C3orf33: variants seen among roughly 807,000 people sequenced by gnomAD.
The protein encoded by C3orf33 is mitochondrial inner membrane subdomain organizer 1.
Under a neutral mutation model 28.7 loss-of-function variants are expected in C3orf33, and 23 were observed. The ratio of observed to expected loss-of-function variants is 0.80; its 90% CI spans 0.58 to 1.13. The LOEUF (loss-of-function observed/expected upper bound fraction) is 1.13. Among genes scored for constraint, C3orf33 ranks in the 50% most tolerant of loss-of-function variants. C3orf33 has a pLI of 0.00. For synonymous variants in C3orf33, 119 were observed against 120.5 expected (o/e 0.99, Z 0.08); for missense variants, 327 against 353.4 (o/e 0.93, Z 0.60).
chr3:155,781,601 C>T (rs1750924341), intron 2 of C3orf33, among the ~76,000 whole-genome samples: 1 of 151,280 alleles, frequency 6.6e-6, no homozygotes, highest in Admixed American at 6.6e-5. Context: ...AACCCCATCT[C>T]TACTAAAAAT....
chr3:155,794,196 G>T (rs892120647), intron 2 of C3orf33, among the ~76,000 whole-genome samples: 16 of 151,998 alleles, frequency 1.1e-4, no homozygotes, highest in African/African-American at 3.6e-4. Flanking sequence ...GGCCAGGCTG[G>T]TCTCAAACTC....
At chr3:155,772,878 G>T (rs142621994) in intron 3 of C3orf33, among the ~76,000 whole-genome samples, 1 of 150,798 alleles carries the variant, frequency 6.6e-6, no homozygotes, top group African/African-American at 2.4e-5. Context: ...ATTGTCATTA[G>T]GAAGGAGTCT....
rs932007227 is a variant in C3orf33, at chr3:155,793,263, G to C, written c.174+9269C>G. Reference sequence around the variant, plus strand: ...TGCACCAACCTAACAAAATAGTATAGCCAGTCAAACACGAAGGAGAAATAC... The same window carrying C: ...TGCACCAACCTAACAAAATAGTATACCCAGTCAAACACGAAGGAGAAATAC... On this transcript the variant is annotated intron_variant, in intron 2 of 4. Coordinates refer to ENST00000340171, the MANE Select transcript of C3orf33 (RefSeq NM_001308229.2). 2.1e-5 allele frequency among the ~76,000 whole-genome samples: 3 copies of C among 145,044 alleles called. No individual in the cohort carries two copies. The South Asian group carries it at 6.5e-4, about 31-fold the overall frequency.
chr3:155,768,240 C>G (rs964602265), intron 3 of C3orf33, among the ~76,000 whole-genome samples: 9 of 152,138 alleles, frequency 5.9e-5, no homozygotes, highest in Non-Finnish European at 1.3e-4. Flanking sequence ...ATTTAACCTT[C>G]TTTTTTCAAC....
intron 3 of C3orf33, among the ~76,000 whole-genome samples, chr3:155,775,136 G>A (rs935974460): frequency 1.3e-5 from 2 of 152,132 alleles, no homozygotes; most frequent in South Asian, 2.1e-4. Context: ...TTAGGTTCTA[G>A]ACCATAATAG....
At chr3:155,790,825 T>A (rs1325250209) in intron 2 of C3orf33, among the ~76,000 whole-genome samples, 1 of 152,188 alleles carries the variant, frequency 6.6e-6, no homozygotes, top group Non-Finnish European at 1.5e-5. Context: ...CCTGAGGTCC[T>A]TCAAGCCTCA....
At chr3:155,764,061 AACAGCTCTTGCGAAATCC>A (rs1180827507) in intron 4 of C3orf33, 143 bp from the exon 5 acceptor site, 1 of 511,454 alleles carries the variant, frequency 2.0e-6, no homozygotes, top group Non-Finnish European at 3.1e-6. Context: ...GCTCCCCCAA[AACAGCTCTTGCGAAATCC>A]AAGGATTTTT....
chr3:155,784,225 C>T (rs1353081076), intron 2 of C3orf33, among the ~76,000 whole-genome samples: 1 of 152,108 alleles, frequency 6.6e-6, no homozygotes, highest in Non-Finnish European at 1.5e-5. Flanking sequence ...CCACCGCGCC[C>T]AGCCTAGTTT....
At chr3:155,801,290 G>T (rs989259402) in intron 2 of C3orf33, among the ~76,000 whole-genome samples, 2 of 138,020 alleles carry the variant, frequency 1.4e-5, no homozygotes, top group Non-Finnish European at 3.0e-5. Flanking sequence ...CTTCCTGGGC[G>T]ACAGAGTGAG....
chr3:155,784,701 G>A (rs1356999800), intron 2 of C3orf33, among the ~76,000 whole-genome samples: 1 of 151,636 alleles, frequency 6.6e-6, no homozygotes, highest in African/African-American at 2.4e-5. Flanking sequence ...ACTCCAGCCT[G>A]GGTGAGAGAG....
chr3:155,765,254 G>A (rs967996031), intron 4 of C3orf33, among the ~76,000 whole-genome samples: 9 of 152,194 alleles, frequency 5.9e-5, no homozygotes, highest in Admixed American at 6.5e-5. Context: ...AGGTTACCCT[G>A]ACCAAGACAA....
intron 3 of C3orf33, among the ~76,000 whole-genome samples, chr3:155,769,323 A>C (rs1041557085): frequency 2.3e-4 from 35 of 151,644 alleles, no homozygotes; most frequent in East Asian, 9.7e-4. Flanking sequence ...AAAAAAAAAA[A>C]AAAAAAATAC....
At chr3:155,798,880 G>A (rs913255787) in intron 2 of C3orf33, among the ~76,000 whole-genome samples, 6 of 151,988 alleles carry the variant, frequency 3.9e-5, no homozygotes, top group African/African-American at 1.5e-4. Flanking sequence ...ATCTGACAAG[G>A]AATTAATAAC....
At chr3:155,785,190 T>C (rs979154252) in intron 2 of C3orf33, among the ~76,000 whole-genome samples, 1 of 152,042 alleles carries the variant, frequency 6.6e-6, no homozygotes. Flanking sequence ...TAATTATAAA[T>C]ATTTATGTAC....
intron 2 of C3orf33, among the ~76,000 whole-genome samples, chr3:155,778,105 G>A (rs147960008): frequency 2.4e-5 from 3 of 127,110 alleles, no homozygotes; most frequent in Non-Finnish European, 3.2e-5. Context: ...AGCTGAGATC[G>A]TGCCACTGCA....
intron 4 of C3orf33, among the ~76,000 whole-genome samples, chr3:155,764,249 A>C (rs555880143): frequency 1.3e-4 from 20 of 152,314 alleles, no homozygotes; most frequent in Non-Finnish European, 2.9e-4. Flanking sequence ...GAAGTGGGAC[A>C]CCCAAGATAG....
At chr3:155,795,101 TCTC>T (rs780339395) in intron 2 of C3orf33, among the ~76,000 whole-genome samples, 3 of 152,170 alleles carry the variant, frequency 2.0e-5, no homozygotes, top group Non-Finnish European at 2.9e-5. Flanking sequence ...TATACATTCT[TCTC>T]CTTAGCACAT....
At chr3:155,777,504 A>G (rs1435838582) in intron 2 of C3orf33, among the ~76,000 whole-genome samples, 1 of 151,852 alleles carries the variant, frequency 6.6e-6, no homozygotes, top group Non-Finnish European at 1.5e-5. Flanking sequence ...TCAGTGGCAT[A>G]ATCCTGGCTC....
intron 3 of C3orf33, among the ~76,000 whole-genome samples, chr3:155,770,359 G>A (rs1366517945): frequency 6.6e-6 from 1 of 152,212 alleles, no homozygotes; most frequent in Non-Finnish European, 1.5e-5. Context: ...GGCCAAGCAA[G>A]GTCCAGGCAG....
Sources: gnomAD v4.1 joint callset for allele counts (sites outside exome capture counted in the v4.1 genomes callset) on GRCh38, gnomAD v4.1.1 for gene constraint, MANE v1.5 for transcripts, NCBI Gene and HGNC (gene_info 2026-07-23, HGNC 2026-07-21) for gene names.